Variants in NVL observed in about 807,000 individuals in gnomAD.
NVL encodes nuclear VCP like.
A neutral mutation model predicts 110.2 loss-of-function variants in NVL; 84 were observed. The ratio of observed to expected loss-of-function variants is 0.76; its 90% CI spans 0.64 to 0.91. The LOEUF is 0.91. NVL is among the 40% of genes least tolerant of loss of function. NVL has a pLI of 0.00. For missense variants in NVL, 882 were observed against 1,035.9 expected, an observed-to-expected ratio of 0.85 and a Z score of 2.04; for synonymous variants, 354 against 361.1, an observed-to-expected ratio of 0.98 and a Z score of 0.22.
intron 9 of NVL, chr1:224,302,823 G>A (rs1160140912): frequency 5.0e-6 from 1 of 199,668 alleles, no homozygotes; most frequent in South Asian, 5.5e-5. Flanking sequence ...ACTGAGACAG[G>A]AGGACTGCTT....
intron 13 of NVL, 111 bp from the exon 14 acceptor site, chr1:224,288,104 C>T: frequency 2.7e-6 from 2 of 733,846 alleles, no homozygotes; most frequent in Non-Finnish European, 4.5e-6. Flanking sequence ...GTAAGCTATC[C>T]TGAACGTCTA....
intron 20 of NVL, 61 bp from the exon 21 acceptor site, chr1:224,233,350 C>A: frequency 3.8e-6 from 5 of 1,333,140 alleles, no homozygotes; most frequent in East Asian, 2.5e-5. Flanking sequence ...AGAAAAAAAC[C>A]CGGAAAACAG....
intron 18 of NVL, among the ~76,000 whole-genome samples, chr1:224,261,505 G>A (rs1484188772): frequency 1.3e-5 from 2 of 152,158 alleles, no homozygotes; most frequent in South Asian, 2.1e-4. Context: ...TGAGAACATC[G>A]TTTACTGGAG....
At chr1:224,227,823 T>C (rs1659356543) in intron 22 of NVL, 153 bp from the exon 23 acceptor site, 1 of 508,916 alleles carries the variant, frequency 2.0e-6, no homozygotes, top group Admixed American at 3.4e-5. Context: ...GAGACTGGAT[T>C]AAAATGAGGT....
chr1:224,310,884 C>T (rs1487574140), intron 5 of NVL, among the ~76,000 whole-genome samples: 2 of 152,052 alleles, frequency 1.3e-5, no homozygotes, highest in African/African-American at 4.8e-5. Flanking sequence ...GTGTATGCCA[C>T]CAGATCCAGC....
chr1:224,311,864 A>G lies in NVL; in HGVS notation c.285-7T>C, dbSNP rs375388074. On this transcript the variant is annotated splice_polypyrimidine_tract_variant and splice_region_variant and intron_variant, in intron 4 of 22. Transcript: ENST00000281701. ...AGAATAGCTTTCAGTATACCTCAGT[A>G]AAAGGAGGGAAAAATGTTTTAAAGA... 2.7e-5 allele frequency: 44 copies of G among 1,606,786 alleles called. No homozygotes were observed. Among genetic ancestry groups the G allele is most frequent in the Non-Finnish European group, 3.7e-5 (43 of 1,174,112 alleles).
At chr1:224,258,009 C>T (rs992042809) in intron 18 of NVL, among the ~76,000 whole-genome samples, 1 of 152,088 alleles carries the variant, frequency 6.6e-6, no homozygotes, top group Admixed American at 6.6e-5. Context: ...ATTTTTACAC[C>T]ATTGATAACA....
At chr1:224,259,627 A>G (rs1663726678) in intron 18 of NVL, among the ~76,000 whole-genome samples, 1 of 152,080 alleles carries the variant, frequency 6.6e-6, no homozygotes, top group South Asian at 2.1e-4. Context: ...ATGATTCATT[A>G]AACAAATAAT....
intron 18 of NVL, among the ~76,000 whole-genome samples, chr1:224,251,001 C>A (rs772479838): frequency 6.6e-6 from 1 of 151,742 alleles, no homozygotes; most frequent in East Asian, 2.0e-4. Flanking sequence ...CGGCTGGGCG[C>A]GGGGGCTCAC....
intron 10 of NVL, 51 bp from the exon 11 acceptor site, chr1:224,296,669 T>C (rs1667913195): frequency 1.8e-6 from 2 of 1,085,496 alleles, no homozygotes; most frequent in East Asian, 2.5e-5. Context: ...TCCCCTATAC[T>C]GAAGCACAAT....
intron 12 of NVL, 28 bp from the exon 13 acceptor site, chr1:224,289,761 C>T: frequency 6.3e-7 from 1 of 1,588,264 alleles, no homozygotes; most frequent in South Asian, 1.1e-5. Flanking sequence ...GAAAAAATTT[C>T]TGATTCCTGA....
intron 14 of NVL, among the ~76,000 whole-genome samples, chr1:224,286,404 C>G (rs1666875816): frequency 6.6e-6 from 1 of 152,148 alleles, no homozygotes; most frequent in South Asian, 2.1e-4. Flanking sequence ...CGGGGTTTCA[C>G]CATGTTGGCC....
intron 10 of NVL, among the ~76,000 whole-genome samples, chr1:224,299,085 T>A (rs1051384965): frequency 2.1e-4 from 32 of 152,196 alleles, no homozygotes; most frequent in Non-Finnish European, 7.3e-5. Flanking sequence ...GCTGTCAGCG[T>A]CGCTTAAGGC....
chr1:224,280,069 A>C (rs967688330), intron 16 of NVL, among the ~76,000 whole-genome samples: 1 of 152,068 alleles, frequency 6.6e-6, no homozygotes, highest in Non-Finnish European at 1.5e-5. Context: ...AAGTGCATGG[A>C]ACTAATAAGC....
chr1:224,275,591 T>C (rs2102856306), intron 16 of NVL, 133 bp from the exon 17 acceptor site: 3 of 1,114,584 alleles, frequency 2.7e-6, no homozygotes, highest in South Asian at 3.1e-5. Context: ...GAATGAACCA[T>C]ATACAATTGC....
chr1:224,330,049 C>G, intron 1 of NVL, 22 bp downstream of exon 1: 1 of 1,613,052 alleles, frequency 6.2e-7, no homozygotes, highest in African/African-American at 1.3e-5. Context: ...CTTGGCGAGG[C>G]CAAGCGGTGC....
chr1:224,298,847 T>C (rs1668127448), intron 10 of NVL, among the ~76,000 whole-genome samples: 3 of 152,166 alleles, frequency 2.0e-5, no homozygotes, highest in Admixed American at 2.0e-4. Context: ...TCTGTACTGG[T>C]TTGAAGATAG....
At chr1:224,265,533 TAAAC>T (rs1664417006) in intron 18 of NVL, among the ~76,000 whole-genome samples, 1 of 152,048 alleles carries the variant, frequency 6.6e-6, no homozygotes, top group South Asian at 2.1e-4. Context: ...TAAAATAAAA[TAAAC>T]AAACTTAAAA....
At chr1:224,286,451 C>T (rs1666883653) in intron 14 of NVL, among the ~76,000 whole-genome samples, 1 of 152,146 alleles carries the variant, frequency 6.6e-6, no homozygotes, top group South Asian at 2.1e-4. Flanking sequence ...GGTGATCCAC[C>T]TGCCTCAGCC....
Sources: gnomAD v4.1 joint callset for allele counts (sites outside exome capture counted in the v4.1 genomes callset) on GRCh38, gnomAD v4.1.1 for gene constraint, MANE v1.5 for transcripts, NCBI Gene and HGNC (gene_info 2026-07-23, HGNC 2026-07-21) for gene names.